MBD5: variants seen among roughly 807,000 people sequenced by gnomAD.
MBD5 encodes the protein methyl-CpG-binding domain protein 5.
In MBD5, 13 loss-of-function variants were observed where a neutral mutation model predicts 117.3. The ratio of observed to expected loss-of-function variants is 0.11; its 90% CI spans 0.07 to 0.18. MBD5 has a LOEUF of 0.18. Among genes scored for constraint, MBD5 ranks in the 10% least tolerant of loss-of-function variants. The pLI is 1.00. For missense variants in MBD5, 1,879 were observed against 2,093.8 expected, an observed-to-expected ratio of 0.90 and a Z score of 2.00; for synonymous variants, 727 against 766.4, an observed-to-expected ratio of 0.95 and a Z score of 0.85.
At chr2:148,412,164 G>C (rs1705272245) in intron 4 of MBD5, among the ~76,000 whole-genome samples, 1 of 151,860 alleles carries the variant, frequency 6.6e-6, no homozygotes, top group Admixed American at 6.6e-5. Context: ...AATGGTTGTA[G>C]GTGTGCAGCT....
chr2:148,330,230 G>T (rs1702608459), intron 3 of MBD5, among the ~76,000 whole-genome samples: 1 of 152,002 alleles, frequency 6.6e-6, no homozygotes, highest in Non-Finnish European at 1.5e-5. Flanking sequence ...TTTAACTCCA[G>T]TCTTGGTAGC....
At chr2:148,196,128 C>T (rs964930189) in intron 2 of MBD5, 2 of 152,120 alleles carry the variant, frequency 1.3e-5, no homozygotes, top group Non-Finnish European at 2.9e-5. Context: ...TTTCCTTTCT[C>T]CTATGTTGAA....
chr2:148,406,705 C>T (rs755405792), intron 4 of MBD5, among the ~76,000 whole-genome samples: 1 of 152,224 alleles, frequency 6.6e-6, no homozygotes, highest in Non-Finnish European at 1.5e-5. Context: ...AGTTACACTT[C>T]ATTACAGTGA....
intron 1 of MBD5, among the ~76,000 whole-genome samples, chr2:148,080,095 T>G (rs990986482): frequency 6.6e-6 from 1 of 152,110 alleles, no homozygotes; most frequent in Non-Finnish European, 1.5e-5. Flanking sequence ...AGAAAACCCT[T>G]GGTCTTATTG....
intron 11 of MBD5, among the ~76,000 whole-genome samples, chr2:148,495,076 C>G (rs1451127675): frequency 1.3e-5 from 2 of 152,164 alleles, no homozygotes; most frequent in Non-Finnish European, 2.9e-5. Flanking sequence ...CTTTACTGTT[C>G]GTGGCTCAGT....
At chr2:148,176,876 C>CA (rs145136050) in intron 1 of MBD5, among the ~76,000 whole-genome samples, 4,923 of 119,222 alleles carry the variant, frequency 0.041, 202 homozygotes, top group African/African-American at 0.13. Context: ...AACTTAAGGA[C>CA]AAAAAAAAAA....
At chr2:148,157,978 A>G (rs1697914730) in intron 1 of MBD5, among the ~76,000 whole-genome samples, 1 of 152,230 alleles carries the variant, frequency 6.6e-6, no homozygotes, top group Non-Finnish European at 1.5e-5. Context: ...TTGCGAATGT[A>G]TTAAATGTCA....
chr2:148,277,131 A>G (rs906061050), intron 3 of MBD5, among the ~76,000 whole-genome samples: 17 of 152,256 alleles, frequency 1.1e-4, no homozygotes, highest in African/African-American at 3.4e-4. Flanking sequence ...AAAGTTTGCA[A>G]TCTGGTTCAA....
chr2:148,289,779 T>C (rs1316220512), intron 3 of MBD5, among the ~76,000 whole-genome samples: 1 of 152,116 alleles, frequency 6.6e-6, no homozygotes, highest in Non-Finnish European at 1.5e-5. Context: ...TCTTTAAAAA[T>C]GTACGAAATT....
intron 3 of MBD5, among the ~76,000 whole-genome samples, chr2:148,242,867 T>C (rs940568366): frequency 2.0e-5 from 3 of 152,206 alleles, no homozygotes; most frequent in Non-Finnish European, 4.4e-5. Flanking sequence ...TGTGTGTATG[T>C]ATAGATTGTT....
intron 4 of MBD5, among the ~76,000 whole-genome samples, chr2:148,376,253 C>T (rs564322764): frequency 1.4e-5 from 2 of 139,052 alleles, no homozygotes; most frequent in Non-Finnish European, 3.0e-5. Context: ...TATTATATTT[C>T]TTTTTTTTCT....
chr2:148,383,729 G>A (rs1380368436), intron 4 of MBD5, among the ~76,000 whole-genome samples: 3 of 152,040 alleles, frequency 2.0e-5, no homozygotes, highest in Admixed American at 6.6e-5. Flanking sequence ...CTGGCAAACT[G>A]AATCCAGCAA....
intron 2 of MBD5, among the ~76,000 whole-genome samples, chr2:148,227,272 T>C (rs566565238): frequency 6.6e-6 from 1 of 152,334 alleles, no homozygotes; most frequent in South Asian, 2.1e-4. Context: ...CTTTAATCCA[T>C]CTTGAATTAA....
intron 11 of MBD5, among the ~76,000 whole-genome samples, chr2:148,494,298 G>A (rs967082372): frequency 6.6e-6 from 1 of 152,104 alleles, no homozygotes; most frequent in Non-Finnish European, 1.5e-5. Flanking sequence ...GTACAAATTG[G>A]CATATCTGAT....
intron 4 of MBD5, among the ~76,000 whole-genome samples, chr2:148,372,580 C>G (rs1386322605): frequency 2.0e-5 from 3 of 151,878 alleles, no homozygotes; most frequent in African/African-American, 7.3e-5. Flanking sequence ...TGAGCCCTCA[C>G]TGGTGGGAAA....
chr2:148,386,471 C>G (rs1405736077), intron 4 of MBD5, among the ~76,000 whole-genome samples: 1 of 151,986 alleles, frequency 6.6e-6, no homozygotes, highest in Non-Finnish European at 1.5e-5. Flanking sequence ...GTAATCCCAG[C>G]ACTTTGGGAG....
At chr2:148,240,071 G>A (rs745819947) in intron 3 of MBD5, among the ~76,000 whole-genome samples, 1 of 152,144 alleles carries the variant, frequency 6.6e-6, no homozygotes, top group Non-Finnish European at 1.5e-5. Flanking sequence ...ATACACCATG[G>A]AATCCTATGC....
chr2:148,473,768 A>G (rs1259412557), intron 8 of MBD5, among the ~76,000 whole-genome samples: 2 of 152,296 alleles, frequency 1.3e-5, no homozygotes, highest in Middle Eastern at 3.4e-3. Context: ...GATATTAAAT[A>G]CTTTGAAGAA....
chr2:148,249,291 A>T (rs1226444985), intron 3 of MBD5, among the ~76,000 whole-genome samples: 1 of 152,192 alleles, frequency 6.6e-6, no homozygotes, highest in African/African-American at 2.4e-5. Context: ...TTGTGTCTTA[A>T]TCTGACTTTG....
Sources: gnomAD v4.1 joint callset for allele counts (sites outside exome capture counted in the v4.1 genomes callset) on GRCh38, gnomAD v4.1.1 for gene constraint, MANE v1.5 for transcripts, NCBI Gene and HGNC (gene_info 2026-07-23, HGNC 2026-07-21) for gene names.